SKIL: variants seen among roughly 807,000 people sequenced by gnomAD.
SKIL encodes SKI like proto-oncogene.
A neutral mutation model predicts 69.6 loss-of-function variants in SKIL; 20 were observed. The ratio of observed to expected loss-of-function variants is 0.29; its 90% CI spans 0.20 to 0.42. The LOEUF is 0.42. Ranked by LOEUF, SKIL falls within the 10% of genes least tolerant of loss-of-function variation. The pLI, the probability that SKIL is intolerant of heterozygous loss-of-function variation, is 1.00. For missense variants in SKIL, 745 were observed against 783.1 expected (o/e 0.95, Z 0.58); for synonymous variants, 310 against 279.9 (o/e 1.11, Z -1.08).
chr3:170,358,145 C>T (rs1577401575), intron 1 of SKIL, among the ~76,000 whole-genome samples: 1 of 152,170 alleles, frequency 6.6e-6, no homozygotes, highest in Non-Finnish European at 1.5e-5. Flanking sequence ...CCGTCAGCCC[C>T]CGGCGGCGCA....
chr3:170,362,480 C>T (rs1040250176), intron 2 of SKIL, among the ~76,000 whole-genome samples: 3 of 151,742 alleles, frequency 2.0e-5, no homozygotes, highest in Admixed American at 6.6e-5. Context: ...CCAGCGTAGG[C>T]GTCGAGGGAA....
intron 2 of SKIL, 147 bp downstream of exon 2, chr3:170,361,576 T>C: frequency 1.5e-6 from 1 of 688,468 alleles, no homozygotes; most frequent in South Asian, 2.0e-5. Context: ...ATTGCAGTTT[T>C]TAGGCCATAA....
chr3:170,367,377 G>C (rs541658180), intron 2 of SKIL, among the ~76,000 whole-genome samples: 32 of 152,160 alleles, frequency 2.1e-4, no homozygotes, highest in African/African-American at 7.7e-4. Context: ...GATTACAGGC[G>C]TGAGCCACTG....
intron 2 of SKIL, among the ~76,000 whole-genome samples, chr3:170,370,681 A>T (rs541323489): frequency 1.3e-5 from 2 of 152,268 alleles, no homozygotes; most frequent in East Asian, 3.9e-4. Context: ...AATGGCATTA[A>T]AAGTACATAT....
chr3:170,389,167 C>G (rs923867273), intron 4 of SKIL, among the ~76,000 whole-genome samples: 2 of 152,118 alleles, frequency 1.3e-5, no homozygotes, highest in Non-Finnish European at 2.9e-5. Flanking sequence ...GCCACCACAT[C>G]CAGCCAAGAA....
intron 2 of SKIL, among the ~76,000 whole-genome samples, 196 bp downstream of exon 2, chr3:170,361,625 C>T (rs565175414): frequency 3.9e-5 from 6 of 152,306 alleles, no homozygotes; most frequent in African/African-American, 1.4e-4. Context: ...ACTTTCCAAA[C>T]ATCCTGTGAG....
intron 3 of SKIL, among the ~76,000 whole-genome samples, chr3:170,384,261 G>C (rs1380374443): frequency 6.6e-6 from 1 of 152,136 alleles, no homozygotes; most frequent in Non-Finnish European, 1.5e-5. Flanking sequence ...CCAGGAGTTA[G>C]AGGTTACAGT....
At chr3:170,381,027 T>C (rs574377954) in intron 2 of SKIL, among the ~76,000 whole-genome samples, 1 of 146,158 alleles carries the variant, frequency 6.8e-6, no homozygotes, top group Non-Finnish European at 1.5e-5. Flanking sequence ...AGAGACTGGG[T>C]CTTCCTATGT....
chr3:170,384,530 C>T lies in SKIL; in HGVS notation c.1197-3C>T, dbSNP rs1402577843. On this transcript the variant is annotated splice_polypyrimidine_tract_variant and splice_region_variant and intron_variant, in intron 3 of 6. Coordinates refer to ENST00000259119, the MANE Select transcript of SKIL (RefSeq NM_005414.5). ...GTCTTGTTTTGCTTTTACTTGTTTT[C>T]AGCTACTACTTATACATGTGTGATA... 3 of 1,423,214 alleles carry T rather than the reference C, an allele frequency of 2.1e-6. No individual in the cohort carries two copies. Among genetic ancestry groups the T allele is most frequent in the Non-Finnish European group, 2.9e-6 (3 of 1,025,442 alleles). 88.2% of individuals were successfully genotyped at this position (1,423,214 alleles called of 1,614,324 possible).
chr3:170,386,238 C>G (rs887566419), intron 4 of SKIL, among the ~76,000 whole-genome samples: 11 of 151,974 alleles, frequency 7.2e-5, no homozygotes, highest in African/African-American at 2.2e-4. Context: ...TCAAGTGATT[C>G]TCCTGCCTCA....
Position 170,391,192 on chromosome 3 carries a change from A to G in SKIL, c.1828A>G (p.Ile610Val), listed in dbSNP as rs1737896558. Residue 610 changes from isoleucine to valine, a missense_variant, in exon 6 of 7, where the codon ATA becomes GTA. Transcript: ENST00000259119. ...QKDLEKKLEQ[I>V]MKQKCTCDSN... ...AGACTTAGAGAAAAAATTGGAGCAG[A>G]TAATGAAGCAAAAATGTACCTGTGA... 7 of 1,613,330 alleles carry G rather than the reference A, an allele frequency of 4.3e-6. No individual in the cohort carries two copies. Among genetic ancestry groups the G allele is most frequent in the Non-Finnish European group, 5.9e-6 (7 of 1,179,344 alleles).
At chr3:170,372,078 A>G (rs552904093) in intron 2 of SKIL, among the ~76,000 whole-genome samples, 13 of 152,358 alleles carry the variant, frequency 8.5e-5, no homozygotes, top group African/African-American at 2.6e-4. Context: ...AATGTGTATG[A>G]CACTGAGATT....
chr3:170,389,991 C>CA (rs547161667), intron 4 of SKIL, among the ~76,000 whole-genome samples: 107 of 152,256 alleles, frequency 7.0e-4, no homozygotes, highest in African/African-American at 2.4e-3. Context: ...TTAAGTCTTC[C>CA]AATCCATGAA....
At chr3:170,367,751 G>A (rs896300181) in intron 2 of SKIL, among the ~76,000 whole-genome samples, 3 of 152,156 alleles carry the variant, frequency 2.0e-5, no homozygotes, top group Non-Finnish European at 4.4e-5. Flanking sequence ...TTACAGGCGT[G>A]AGCCACCGTG....
intron 5 of SKIL, 96 bp from the exon 6 acceptor site, chr3:170,390,940 A>G (rs1737879824): frequency 1.5e-6 from 1 of 661,664 alleles, no homozygotes; most frequent in East Asian, 2.7e-5. Context: ...ATGATAGCTG[A>G]ATTTTAGGTA....
chr3:170,374,742 T>A (rs1247352039), intron 2 of SKIL, among the ~76,000 whole-genome samples: 1 of 152,246 alleles, frequency 6.6e-6, no homozygotes, highest in African/African-American at 2.4e-5. Flanking sequence ...TTGTTATAAA[T>A]GTGTTTATGG....
In SKIL at chr3:170,384,670, G is replaced by A; in HGVS notation, c.1334G>A (p.Gly445Asp). Reference protein sequence around the residue: ...SRQSEKAHSSGKLQKTVSYPD... With the variant: ...SRQSEKAHSSDKLQKTVSYPD... The stretch of plus-strand genomic sequence containing the variant: ...CAGTCAGAGAAGGCTCACAGTAGTG[G>A]TAAACTTCAAAAAACAGTGTCTTAT... The change falls in exon 4 of 7, where the codon GGT becomes GAT. Residue 445 changes from glycine (G) to aspartate (D), a missense_variant. Gly to Asp is a moderately conservative substitution (Grantham distance 94). Transcript: ENST00000259119. The A allele has an allele frequency of 6.2e-7, 1 of 1,612,884 alleles. No individual in the cohort carries two copies. The highest frequency in any genetic ancestry group is 8.5e-7 in the Non-Finnish European group (1 of 1,179,010).
intron 2 of SKIL, among the ~76,000 whole-genome samples, chr3:170,362,729 C>A (rs1046532698): frequency 6.6e-6 from 1 of 151,412 alleles, no homozygotes; most frequent in South Asian, 2.1e-4. Flanking sequence ...CCAGGAGAAT[C>A]GCTTGAACCT....
chr3:170,387,920 C>T (rs1362756509), intron 4 of SKIL, among the ~76,000 whole-genome samples: 2 of 83,528 alleles, frequency 2.4e-5, no homozygotes, highest in African/African-American at 4.6e-5. Context: ...GGCGACAGAG[C>T]GAGACTCCGT....
Sources: allele counts gnomAD v4.1 joint callset (sites outside exome capture counted in the v4.1 genomes callset), GRCh38; gene constraint gnomAD v4.1.1; transcripts MANE v1.5; gene names NCBI Gene and HGNC (gene_info 2026-07-23, HGNC 2026-07-21).